SPINDOC: variants seen among roughly 807,000 people sequenced by gnomAD.
SPINDOC encodes the protein spindlin interactor and repressor of chromatin binding, also known as spindlin interactor and repressor of chromatin-binding protein.
SPINDOC carries 13 observed loss-of-function variants against 30.7 expected under a neutral mutation model. That is an observed-to-expected ratio of 0.42 (90% confidence interval 0.28 to 0.67). The LOEUF (loss-of-function observed/expected upper bound fraction) is 0.67. Ranked by LOEUF, SPINDOC falls within the 30% of genes least tolerant of loss-of-function variation. The pLI is 0.22. For synonymous variants in SPINDOC, 228 were observed against 211.4 expected (o/e 1.08, Z -0.68); for missense variants, 438 against 518.0 (o/e 0.85, Z 1.50).
intron 5 of SPINDOC, among the ~76,000 whole-genome samples, chr11:63,819,411 A>G (rs890425603): frequency 1.3e-5 from 2 of 150,604 alleles, no homozygotes; most frequent in Non-Finnish European, 3.0e-5. Flanking sequence ...GGGTTTTCCC[A>G]TGTTGGCCAG....
At position 63,817,631 on chromosome 11, in the gene SPINDOC, G is replaced by T. The variant is rs149319351; in HGVS notation, c.128-174G>T. Among the ~76,000 whole-genome samples, 18 of 152,254 alleles carry T rather than the reference G, an allele frequency of 1.2e-4. No individual in the cohort carries two copies. The East Asian group carries it at 3.5e-3, about 29-fold the overall frequency. On this transcript the variant is annotated intron_variant, in intron 1 of 5. Coordinates refer to ENST00000294244, the MANE Select transcript of SPINDOC (RefSeq NM_138471.3). ...AGAGTCGTGGGATCCCGGGCACATC[G>T]GCTGTGTTGAGTGTGGCGTGTGCCT...
chr11:63,817,947 G>A lies in SPINDOC; in HGVS notation c.270G>A (p.Leu90=), dbSNP rs2015389783. 6 of 1,614,150 alleles carry A rather than the reference G, an allele frequency of 3.7e-6. No individual in the cohort carries two copies. Among genetic ancestry groups the A allele is most frequent in the Non-Finnish European group, 5.1e-6 (6 of 1,180,026 alleles). ...GSSPGGSGRA[L]CMVCGAEIRA... ...GCCCAGGAGGCAGCGGGCGGGCACT[G>A]TGCATGGTGTGTGGCGCTGAGATCC... Residue 90 remains leucine, a synonymous_variant, in exon 2 of 6, where the codon CTG becomes CTA. Transcript: ENST00000294244.
chr11:63,827,372 T>C lies in SPINDOC; in HGVS notation c.*233T>C. Reference sequence around the variant, plus strand: ...CTGTTGTGCAGTAGGGCACTGGGCCTGTGGAGAACACCTACCCCAGTCCTT... The same window carrying C: ...CTGTTGTGCAGTAGGGCACTGGGCCCGTGGAGAACACCTACCCCAGTCCTT... On this transcript the variant is annotated 3_prime_UTR_variant, in exon 6 of 6. Transcript: ENST00000294244. 1 of 658,670 alleles carries C rather than the reference T, an allele frequency of 1.5e-6. No individual in the cohort carries two copies. Among genetic ancestry groups the C allele is most frequent in the Non-Finnish European group, 2.5e-6 (1 of 393,402 alleles). The allele number at this position is 658,670 out of a possible 1,614,324, so 40.8% of individuals were successfully genotyped here.
Position 63,827,026 on chromosome 11 carries a change from C to A in SPINDOC, c.1033C>A (p.His345Asn), listed in dbSNP as rs752238931. The change falls in exon 6 of 6, where the codon CAC becomes AAC. Residue 345 changes from histidine to asparagine, a missense_variant. Around this residue, in one of 3 missense-constraint regions of SPINDOC, gnomAD observed 300 missense variants for 332.8 expected, o/e 0.90. Transcript: ENST00000294244. ...CAGCCTCCTGCAAGACTGGTCCAGG[C>A]ACCCCCAGGGCACCAAGCGTGTGGG... ...AVSLLQDWSRHPQGTKRVGAG... is the reference protein window; with the variant it reads ...AVSLLQDWSRNPQGTKRVGAG... 1 of 1,614,190 alleles carries A rather than the reference C, an allele frequency of 6.2e-7. No individual in the cohort carries two copies. Among genetic ancestry groups the A allele is most frequent in the Non-Finnish European group, 8.5e-7 (1 of 1,180,022 alleles).
At position 63,818,168 on chromosome 11, in the gene SPINDOC, C is replaced by T. The variant is rs553704790; in HGVS notation, c.457+34C>T. The T allele has an allele frequency of 1.3e-4, 210 of 1,613,072 alleles. No homozygotes were observed. The highest frequency in any genetic ancestry group is 1.7e-4 in the Non-Finnish European group (203 of 1,179,342). ...TCCTGGGGCTGGCGAAGGGAGAAGT[C>T]GGACTTGTTGGGGCACTAGAAGCTC... On this transcript the variant is annotated intron_variant, in intron 2 of 5. Coordinates refer to ENST00000294244, the MANE Select transcript of SPINDOC (RefSeq NM_138471.3). This position sits in a 1 kb window ranked among gnomAD's most constrained non-coding sequence, Gnocchi z 5.3.
At chr11:63,815,497 G>T (rs1395522295) in intron 1 of SPINDOC, among the ~76,000 whole-genome samples, 2 of 152,228 alleles carry the variant, frequency 1.3e-5, no homozygotes, top group Non-Finnish European at 2.9e-5. Flanking sequence ...TTCAGGTGGA[G>T]AGGTCAACTA....
chr11:63,819,020 G>A lies in SPINDOC; in HGVS notation c.934+18G>A. Reference sequence around the variant, plus strand: ...CTCTCCAGGTGAGCCCTCCTGAGAGGGAAGCACAGTAGGGACCTCGCAGGC... The same window carrying A: ...CTCTCCAGGTGAGCCCTCCTGAGAGAGAAGCACAGTAGGGACCTCGCAGGC... On this transcript the variant is annotated intron_variant, in intron 5 of 5. Coordinates refer to ENST00000294244, the MANE Select transcript of SPINDOC (RefSeq NM_138471.3). 6.5e-7 allele frequency: 1 copy of A among 1,539,282 alleles called. No homozygotes were observed. The highest frequency in any genetic ancestry group is 1.8e-5 in the Admixed American group (1 of 57,016).
Position 63,827,406 on chromosome 11 carries a change from C to T in SPINDOC, c.*267C>T, listed in dbSNP as rs1267049878. The T allele has an allele frequency of 3.6e-6, 2 of 553,140 alleles. No homozygotes were observed. The highest frequency in any genetic ancestry group is 3.7e-5 in the African/African-American group (2 of 53,468). The allele number at this position is 553,140 out of a possible 1,614,324, so 34.3% of individuals were successfully genotyped here. A position where few individuals can be genotyped will look rare whatever the true frequency, so the allele number is the denominator to read the frequency against. ...CACCTACCCCAGTCCTTCGCTGACC[C>T]CCACCTCTGTTTGTCCCCCATGACC... On this transcript the variant is annotated 3_prime_UTR_variant, in exon 6 of 6. Coordinates refer to ENST00000294244, the MANE Select transcript of SPINDOC (RefSeq NM_138471.3).
At chr11:63,823,341 T>G in intron 5 of SPINDOC, 1 of 1,183,250 alleles carries the variant, frequency 8.5e-7, no homozygotes, top group Non-Finnish European at 1.1e-6. Flanking sequence ...AAGACTTTAT[T>G]TAAATAAAGA....
intron 5 of SPINDOC, chr11:63,822,651 C>T (rs780308851): frequency 6.2e-6 from 8 of 1,289,100 alleles, no homozygotes; most frequent in Non-Finnish European, 8.1e-6. Context: ...AGTCACATTC[C>T]AGTCCTGGCT....
intron 5 of SPINDOC, among the ~76,000 whole-genome samples, chr11:63,824,543 C>T (rs1368194660): frequency 6.6e-6 from 1 of 152,050 alleles, no homozygotes; most frequent in African/African-American, 2.4e-5. Flanking sequence ...CTTAAGTATC[C>T]GCAGCCGTGG....
intron 5 of SPINDOC, among the ~76,000 whole-genome samples, chr11:63,824,003 G>C (rs12785236): frequency 0.012 from 1,863 of 152,040 alleles, 127 homozygotes; most frequent in Admixed American, 0.11. Flanking sequence ...CGCCTCCCAA[G>C]TTCAAGCGAT....
intron 5 of SPINDOC, among the ~76,000 whole-genome samples, chr11:63,821,769 T>C (rs1054528772): frequency 1.3e-5 from 2 of 152,050 alleles, no homozygotes; most frequent in African/African-American, 4.8e-5. Flanking sequence ...TTGTTTTTGT[T>C]TTTTGAGACA....
At position 63,817,973 on chromosome 11, in the gene SPINDOC, G is replaced by A. The variant is rs116749570; in HGVS notation, c.296G>A (p.Arg99Gln). Residue 99 changes from arginine to glutamine, a missense_variant, in exon 2 of 6, where the codon CGG becomes CAG. By Grantham distance (43) the Arg-to-Gln change is conservative. Transcript: ENST00000294244. ...TGCATGGTGTGTGGCGCTGAGATCC[G>A]GGCACCCTCGGCCGACACAGCTCGC... ...ALCMVCGAEI[R>Q]APSADTARSH... 423 of 1,614,124 alleles carry A rather than the reference G, an allele frequency of 2.6e-4. 2 individuals carry two copies. In the African/African-American group the frequency reaches 4.3e-3, roughly 16 times the overall value.
At chr11:63,815,150 G>A (rs908528806) in intron 1 of SPINDOC, among the ~76,000 whole-genome samples, 1 of 152,232 alleles carries the variant, frequency 6.6e-6, no homozygotes, top group African/African-American at 2.4e-5. Context: ...GAAAGAGGAG[G>A]AATGGGTATT....
At position 63,820,889 on chromosome 11, in the gene SPINDOC, C is replaced by CAAAAAAAAA. The variant is rs60839586; in HGVS notation, c.934+1897_934+1905dup. On this transcript the variant is annotated intron_variant, in intron 5 of 5. Transcript: ENST00000294244. ...TGGGCGACAGAGCGAAACTCCGTCT[C>CAAAAAAAAA]AAAAAAAAAAAAAAAAAACAACACA... Among the ~76,000 whole-genome samples, 508 of 74,242 alleles carry CAAAAAAAAA rather than the reference C, an allele frequency of 6.8e-3. 29 individuals carry two copies. The highest frequency in any genetic ancestry group is 0.021 in the East Asian group (39 of 1,846). The allele number at this position is 74,242 out of a possible 152,430, so 48.7% of individuals were successfully genotyped here.
At chr11:63,820,440 G>A (rs1358486842) in intron 5 of SPINDOC, among the ~76,000 whole-genome samples, 4 of 150,984 alleles carry the variant, frequency 2.6e-5, no homozygotes, top group African/African-American at 9.7e-5. Flanking sequence ...AGTTTATTTG[G>A]CCCTTACAAA....
chr11:63,826,617 A>T (rs183751159), intron 5 of SPINDOC, among the ~76,000 whole-genome samples: 2 of 152,296 alleles, frequency 1.3e-5, no homozygotes, highest in African/African-American at 4.8e-5. Flanking sequence ...GGCTGCAGGT[A>T]GGAGTTACAG....
intron 5 of SPINDOC, among the ~76,000 whole-genome samples, chr11:63,825,999 C>CA (rs2015646627): frequency 6.6e-6 from 1 of 151,536 alleles, no homozygotes; most frequent in Non-Finnish European, 1.5e-5. Context: ...AGTGCAGTGG[C>CA]GTGATCTTGG....
Sources: gnomAD v4.1 joint callset for allele counts (sites outside exome capture counted in the v4.1 genomes callset) on GRCh38, gnomAD v4.1.1 for gene constraint, gnomAD v4.1.1 regional missense constraint, Gnocchi (gnomAD v3.1) non-coding constraint, MANE v1.5 for transcripts, NCBI Gene and HGNC (gene_info 2026-07-23, HGNC 2026-07-21) for gene names.